Variants in FBXO42 observed in about 807,000 individuals in gnomAD.
The protein encoded by FBXO42 is F-box protein 42.
FBXO42 carries 12 observed loss-of-function variants against 71.7 expected under a neutral mutation model. The observed-to-expected ratio is 0.17, with a 90% confidence interval of 0.11 to 0.27. The LOEUF (loss-of-function observed/expected upper bound fraction) is 0.27. Among genes scored for constraint, FBXO42 ranks in the 10% least tolerant of loss-of-function variants. The pLI, the probability that FBXO42 is intolerant of heterozygous loss-of-function variation, is 1.00. For missense variants in FBXO42, 707 were observed against 911.9 expected, an observed-to-expected ratio of 0.78 and a Z score of 2.89; for synonymous variants, 325 against 327.5, an observed-to-expected ratio of 0.99 and a Z score of 0.08.
intron 4 of FBXO42, among the ~76,000 whole-genome samples, chr1:16,276,339 C>G (rs1284111592): frequency 2.0e-5 from 3 of 150,180 alleles, no homozygotes; most frequent in Non-Finnish European, 4.4e-5. Context: ...GAGATCACAC[C>G]ACTGCACACC....
Position 16,274,722 on chromosome 1 carries a change from G to A in FBXO42, c.503-17963C>T, listed in dbSNP as rs1231155763. On this transcript the variant is annotated intron_variant, in intron 4 of 9. Transcript: ENST00000375592. ...TTCTCCTGCCTCAGCCTCGCAAGTA[G>A]CTGGGACTACAGGCACCCACCACCA... Among the ~76,000 whole-genome samples the A allele has an allele frequency of 2.0e-5, 3 of 150,018 alleles. No homozygotes were observed. In the East Asian group the frequency reaches 6.0e-4, roughly 30 times the overall value.
rs386366300 is a variant in FBXO42 at position 16,283,494 on chromosome 1, G to GTTTTTTT, written c.502+11282_502+11288dup. 1.0e-3 allele frequency among the ~76,000 whole-genome samples: 81 copies of GTTTTTTT among 80,988 alleles called. 7 individuals are homozygous for GTTTTTTT. The highest frequency in any genetic ancestry group is 1.8e-3 in the African/African-American group (41 of 22,486). 53.1% of individuals were successfully genotyped at this position (80,988 alleles called of 152,430 possible). On this transcript the variant is annotated intron_variant, in intron 4 of 9. Coordinates refer to ENST00000375592, the MANE Select transcript of FBXO42 (RefSeq NM_018994.3). ...TTATAGACTCTTCTAACTGTGGCAA[G>GTTTTTTT]TTTTTTTTTTTTTTTTTTTTTTTGA...
At chr1:16,330,101 A>C (rs919476290) in intron 1 of FBXO42, among the ~76,000 whole-genome samples, 4 of 152,218 alleles carry the variant, frequency 2.6e-5, no homozygotes, top group African/African-American at 9.6e-5. Context: ...TTATCACACA[A>C]TGTAGCTAGA....
intron 4 of FBXO42, among the ~76,000 whole-genome samples, chr1:16,280,075 T>C (rs2081948054): frequency 6.6e-6 from 1 of 152,154 alleles, no homozygotes; most frequent in African/African-American, 2.4e-5. Flanking sequence ...CTTGAACTCC[T>C]GGCCTCGAAT....
intron 3 of FBXO42, among the ~76,000 whole-genome samples, chr1:16,300,965 C>G (rs1378485803): frequency 8.0e-6 from 1 of 124,860 alleles, no homozygotes; most frequent in East Asian, 2.7e-4. Flanking sequence ...GTGGCATAAT[C>G]TTGGCTCACT....
chr1:16,285,034 T>A (rs936149573), intron 4 of FBXO42, among the ~76,000 whole-genome samples: 1 of 151,728 alleles, frequency 6.6e-6, no homozygotes, highest in Non-Finnish European at 1.5e-5. Flanking sequence ...TAATCCCAGC[T>A]ACTCAGGAGG....
At chr1:16,316,405 TTC>T (rs1430055763) in intron 1 of FBXO42, among the ~76,000 whole-genome samples, 1 of 152,042 alleles carries the variant, frequency 6.6e-6, no homozygotes. Flanking sequence ...ATTTATAGCA[TTC>T]TGTTTTTAAT....
intron 4 of FBXO42, among the ~76,000 whole-genome samples, chr1:16,264,996 C>A (rs891567763): frequency 6.6e-6 from 1 of 152,162 alleles, no homozygotes; most frequent in Non-Finnish European, 1.5e-5. Flanking sequence ...TTACACAGAA[C>A]CCAGGACTAC....
At chr1:16,346,305 A>G (rs1341051532) in intron 1 of FBXO42, among the ~76,000 whole-genome samples, 1 of 152,208 alleles carries the variant, frequency 6.6e-6, no homozygotes, top group African/African-American at 2.4e-5. Flanking sequence ...TCCTAAATAG[A>G]AAATATTCTA....
intron 1 of FBXO42, among the ~76,000 whole-genome samples, chr1:16,351,420 C>G (rs1412761296): frequency 6.6e-6 from 1 of 152,190 alleles, no homozygotes; most frequent in Admixed American, 6.5e-5. Context: ...CTAGATCGAT[C>G]AGAATCCCAC....
chr1:16,300,781 A>C (rs2082183759), intron 3 of FBXO42, among the ~76,000 whole-genome samples: 1 of 152,064 alleles, frequency 6.6e-6, no homozygotes, highest in Admixed American at 6.6e-5. Context: ...TTTTCAATGC[A>C]TGATGTTGGG....
chr1:16,342,039 G>T (rs1052549593), intron 1 of FBXO42, among the ~76,000 whole-genome samples: 3 of 151,756 alleles, frequency 2.0e-5, no homozygotes, highest in Admixed American at 6.6e-5. Context: ...CACTTTGGGA[G>T]TCTGAGGTGG....
intron 4 of FBXO42, among the ~76,000 whole-genome samples, chr1:16,271,469 T>TG (rs2081845022): frequency 6.6e-6 from 1 of 151,792 alleles, no homozygotes; most frequent in Admixed American, 6.6e-5. Context: ...TAAGTAGAGA[T>TG]GGGGTTTCAC....
At chr1:16,280,515 G>A (rs977796391) in intron 4 of FBXO42, among the ~76,000 whole-genome samples, 1 of 152,216 alleles carries the variant, frequency 6.6e-6, no homozygotes, top group African/African-American at 2.4e-5. Flanking sequence ...GGCAAAAACC[G>A]CAATTACTTT....
intron 1 of FBXO42, among the ~76,000 whole-genome samples, chr1:16,336,293 C>A (rs1049458332): frequency 2.0e-4 from 31 of 151,914 alleles, no homozygotes; most frequent in Middle Eastern, 6.8e-3. Flanking sequence ...TCTCCTTCAG[C>A]CAAATGATCG....
chr1:16,307,108 T>C (rs1463150794), intron 2 of FBXO42, among the ~76,000 whole-genome samples: 1 of 151,984 alleles, frequency 6.6e-6, no homozygotes, highest in Non-Finnish European at 1.5e-5. Context: ...GCCAGGCTGG[T>C]CTCGAACTCC....
At chr1:16,296,981 G>A (rs1005359316) in intron 3 of FBXO42, among the ~76,000 whole-genome samples, 3 of 139,460 alleles carry the variant, frequency 2.2e-5, no homozygotes, top group African/African-American at 5.5e-5. Context: ...CTGTGTGGCC[G>A]AGGCTGGAGT....
intron 4 of FBXO42, among the ~76,000 whole-genome samples, chr1:16,258,524 T>C (rs2081673213): frequency 6.6e-6 from 1 of 151,814 alleles, no homozygotes; most frequent in Admixed American, 6.6e-5. Context: ...GCCCGACTAA[T>C]TTTTAAATTT....
At chr1:16,271,409 T>C (rs983331947) in intron 4 of FBXO42, among the ~76,000 whole-genome samples, 1 of 151,864 alleles carries the variant, frequency 6.6e-6, no homozygotes, top group African/African-American at 2.4e-5. Flanking sequence ...GCCTCCCAAG[T>C]AGCTGGGATT....
Sources: allele counts gnomAD v4.1 joint callset (sites outside exome capture counted in the v4.1 genomes callset), GRCh38; gene constraint gnomAD v4.1.1; transcripts MANE v1.5; gene names NCBI Gene and HGNC (gene_info 2026-07-23, HGNC 2026-07-21).